HUNK: variants seen among roughly 807,000 people sequenced by gnomAD.
The protein encoded by HUNK is hormonally up-regulated Neu-associated kinase.
In HUNK, 21 loss-of-function variants were observed where a neutral mutation model predicts 61.0. The ratio of observed to expected loss-of-function variants is 0.34; its 90% CI spans 0.24 to 0.50. The LOEUF (loss-of-function observed/expected upper bound fraction) is 0.50, where lower values mean the gene tolerates loss of function less well. Ranked by LOEUF, HUNK falls within the 20% of genes least tolerant of loss-of-function variation. The pLI is 0.98. For missense variants in HUNK, 772 were observed against 945.7 expected (o/e 0.82, Z 2.41); for synonymous variants, 371 against 386.1 (o/e 0.96, Z 0.46).
At chr21:31,898,681 T>C (rs1008570158) in intron 1 of HUNK, among the ~76,000 whole-genome samples, 5 of 152,152 alleles carry the variant, frequency 3.3e-5, no homozygotes, top group African/African-American at 4.8e-5. Flanking sequence ...GGAGAGGCCC[T>C]GCATTGAGCT....
chr21:31,973,939 T>C (rs2053030815), intron 6 of HUNK, among the ~76,000 whole-genome samples: 1 of 152,208 alleles, frequency 6.6e-6, no homozygotes, highest in Non-Finnish European at 1.5e-5. Flanking sequence ...TTTAACTCTC[T>C]TCCTCTGAGA....
chr21:31,924,596 A>G lies in HUNK; in HGVS notation c.390A>G (p.Leu130=). Residue 130 remains leucine, a synonymous_variant, in exon 2 of 11, where the codon TTA becomes TTG. Coordinates refer to ENST00000270112, the MANE Select transcript of HUNK (RefSeq NM_014586.2). The surrounding 1 kb of genome is among the most constrained non-coding windows in gnomAD (Gnocchi z 5.1). ...ATATCACTCAGCTCCTTGATATTTT[A>G]GAAACGGAAAACAGCTACTACCTGG... ...HPNITQLLDI[L]ETENSYYLVM... 2 of 1,614,228 alleles carry G rather than the reference A, an allele frequency of 1.2e-6. No individual in the cohort carries two copies. Among genetic ancestry groups the G allele is most frequent in the Non-Finnish European group, 1.7e-6 (2 of 1,180,042 alleles).
chr21:31,948,010 T>C (rs1307627732), intron 4 of HUNK, among the ~76,000 whole-genome samples: 1 of 152,204 alleles, frequency 6.6e-6, no homozygotes, highest in African/African-American at 2.4e-5. Flanking sequence ...GTCACTTAGT[T>C]TCACAATGAC....
At chr21:31,989,525 C>T (rs1220311175) in intron 8 of HUNK, among the ~76,000 whole-genome samples, 1 of 151,932 alleles carries the variant, frequency 6.6e-6, no homozygotes, top group Non-Finnish European at 1.5e-5. Flanking sequence ...GCCAGCCTGG[C>T]CAACATGGTG....
chr21:31,914,428 A>AC (rs2052568123), intron 1 of HUNK, among the ~76,000 whole-genome samples: 2 of 149,760 alleles, frequency 1.3e-5, no homozygotes, highest in Admixed American at 6.6e-5. Context: ...AAAAAAAAAA[A>AC]AAAAAAAAAG....
chr21:31,875,623 G>A (rs1047002780), intron 1 of HUNK, among the ~76,000 whole-genome samples: 1 of 152,158 alleles, frequency 6.6e-6, no homozygotes, highest in Admixed American at 6.5e-5. Context: ...GTCCGTTCAG[G>A]GCGCGAGGAT....
In HUNK at chr21:31,999,459, C is replaced by T. The variant is rs1163199551; in HGVS notation, c.*275C>T. On this transcript the variant is annotated 3_prime_UTR_variant, in exon 11 of 11. Transcript: ENST00000270112. ...ACTCACCAACCCCTTCCACTTCCCACTTCCCCCAGGCTTGGGGGGAAAACA... is the reference window on the plus strand; with the variant it reads ...ACTCACCAACCCCTTCCACTTCCCATTTCCCCCAGGCTTGGGGGGAAAACA... 6 of 411,158 alleles carry T rather than the reference C, an allele frequency of 1.5e-5. No homozygotes were observed. Among genetic ancestry groups the T allele is most frequent in the Non-Finnish European group, 2.6e-5 (6 of 231,968 alleles). The allele number at this position is 411,158 out of a possible 1,614,324, so 25.5% of individuals were successfully genotyped here. A position where few individuals can be genotyped will look rare whatever the true frequency, so the allele number is the denominator to read the frequency against.
chr21:31,947,120 T>G (rs1314231909), intron 4 of HUNK, among the ~76,000 whole-genome samples: 2 of 148,828 alleles, frequency 1.3e-5, no homozygotes, highest in Non-Finnish European at 3.0e-5. Flanking sequence ...CGCCTATGCA[T>G]TCCCACAGCC....
At chr21:31,878,934 C>A (rs1177570394) in intron 1 of HUNK, among the ~76,000 whole-genome samples, 1 of 152,146 alleles carries the variant, frequency 6.6e-6, no homozygotes, top group Non-Finnish European at 1.5e-5. Flanking sequence ...GTTGAAATAT[C>A]TTGTTCTAAC....
intron 1 of HUNK, among the ~76,000 whole-genome samples, chr21:31,909,504 G>A (rs1321409447): frequency 3.3e-5 from 5 of 152,126 alleles, no homozygotes; most frequent in Non-Finnish European, 5.9e-5. Flanking sequence ...TGTTAGCATC[G>A]CCAAGATCAG....
In HUNK at chr21:31,947,366, A is replaced by G. The variant is rs188006499; in HGVS notation, c.746+1195A>G. The stretch of plus-strand genomic sequence containing the variant: ...CTGCGCATTCCCACATCCCAGTCTC[A>G]AGCCAGTGGCGCCTGCGCATTCCCA... On this transcript the variant is annotated intron_variant, in intron 4 of 10. Coordinates refer to ENST00000270112, the MANE Select transcript of HUNK (RefSeq NM_014586.2). Among the ~76,000 whole-genome samples the G allele has an allele frequency of 6.9e-5, 10 of 145,754 alleles. No individual in the cohort carries two copies. In the East Asian group the frequency reaches 2.0e-3, roughly 29 times the overall value.
intron 2 of HUNK, among the ~76,000 whole-genome samples, chr21:31,926,234 T>C (rs184751944): frequency 3.3e-5 from 5 of 152,332 alleles, no homozygotes; most frequent in African/African-American, 7.2e-5. Flanking sequence ...TCATTTTTAA[T>C]TGGTGCTTAT....
At chr21:31,914,031 T>C (rs1197211929) in intron 1 of HUNK, among the ~76,000 whole-genome samples, 1 of 152,112 alleles carries the variant, frequency 6.6e-6, no homozygotes, top group Non-Finnish European at 1.5e-5. Context: ...GGTTTGCAGC[T>C]TCAGAGGCTG....
intron 7 of HUNK, among the ~76,000 whole-genome samples, chr21:31,979,155 T>C (rs1469541514): frequency 6.8e-6 from 1 of 147,516 alleles, no homozygotes; most frequent in East Asian, 2.0e-4. Flanking sequence ...CAGGCTGGAG[T>C]GCAGTGGCGT....
chr21:31,969,538 T>C (rs1267493183), intron 6 of HUNK, among the ~76,000 whole-genome samples: 1 of 151,902 alleles, frequency 6.6e-6, no homozygotes, highest in Non-Finnish European at 1.5e-5. Context: ...GCTGGTGCGC[T>C]AACTACAGAT....
At chr21:31,979,138 A>G (rs1026035804) in intron 7 of HUNK, among the ~76,000 whole-genome samples, 2 of 139,872 alleles carry the variant, frequency 1.4e-5, no homozygotes, top group Admixed American at 7.4e-5. Context: ...GAGTCTCGCT[A>G]TGTCACCAGG....
At chr21:31,948,199 G>GACCCTTGCTTGCCCTGTGGCC (rs1224129970) in intron 4 of HUNK, among the ~76,000 whole-genome samples, 1 of 152,208 alleles carries the variant, frequency 6.6e-6, no homozygotes, top group Non-Finnish European at 1.5e-5. Flanking sequence ...GGCGTGTGGG[G>GACCCTTGCTTGCCCTGTGGCC]ACCCTTGCTT....
chr21:31,971,524 C>A (rs2123851244), intron 6 of HUNK, among the ~76,000 whole-genome samples: 1 of 152,160 alleles, frequency 6.6e-6, no homozygotes, highest in African/African-American at 2.4e-5. Context: ...TGAGAACATA[C>A]AAACAGAGAA....
rs989412409 is a variant in HUNK at position 31,874,007 on chromosome 21, C to T, written c.261+72C>T. The T allele has an allele frequency of 4.1e-5, 50 of 1,219,764 alleles. No individual in the cohort carries two copies. In the East Asian group the frequency reaches 1.4e-3, roughly 33 times the overall value. The allele number at this position is 1,219,764 out of a possible 1,614,324, so 75.6% of individuals were successfully genotyped here. ...GGCGGCCAGGACCCCGCGGGGAGCA[C>T]TGCACTGGGAGTCCCAGTGTGCAGT... On this transcript the variant is annotated intron_variant, in intron 1 of 10. Transcript: ENST00000270112.
Sources: gnomAD v4.1 joint callset for allele counts (sites outside exome capture counted in the v4.1 genomes callset) on GRCh38, gnomAD v4.1.1 for gene constraint, Gnocchi (gnomAD v3.1) non-coding constraint, MANE v1.5 for transcripts, NCBI Gene and HGNC (gene_info 2026-07-23, HGNC 2026-07-21) for gene names.